PREP: variants seen among roughly 807,000 people sequenced by gnomAD.
The protein encoded by PREP is dJ355L5.1 (prolyl endopeptidase).
A neutral mutation model predicts 87.6 loss-of-function variants in PREP; 29 were observed. That is an observed-to-expected ratio of 0.33 (90% confidence interval 0.25 to 0.45). The LOEUF (loss-of-function observed/expected upper bound fraction) is 0.45, where lower values mean the gene tolerates loss of function less well. Ranked by LOEUF, PREP falls within the 20% of genes least tolerant of loss-of-function variation. PREP has a pLI of 1.00. For missense variants in PREP, 695 were observed against 886.5 expected (o/e 0.78, Z 2.74); for synonymous variants, 337 against 328.6 (o/e 1.03, Z -0.28).
intron 2 of PREP, among the ~76,000 whole-genome samples, chr6:105,384,121 G>A (rs1472392352): frequency 1.3e-5 from 2 of 152,142 alleles, no homozygotes; most frequent in African/African-American, 2.4e-5. Context: ...ACTGATAGTT[G>A]GGGAAAGGGT....
At chr6:105,400,432 C>T (rs902757034) in intron 1 of PREP, among the ~76,000 whole-genome samples, 4 of 152,138 alleles carry the variant, frequency 2.6e-5, no homozygotes, top group East Asian at 1.9e-4. Flanking sequence ...TGGTCAGAAT[C>T]GCCTTCTTGC....
intron 6 of PREP, among the ~76,000 whole-genome samples, chr6:105,357,330 T>C (rs1772125551): frequency 6.6e-6 from 1 of 152,208 alleles, no homozygotes; most frequent in African/African-American, 2.4e-5. Context: ...TAACATTCAC[T>C]GCAAGAACCA....
chr6:105,299,901 T>C (rs562048690), intron 10 of PREP, among the ~76,000 whole-genome samples: 119 of 100,564 alleles, frequency 1.2e-3, no homozygotes, highest in African/African-American at 7.1e-3. Context: ...GCTTCTCTGC[T>C]TTTTTTTTTT....
At chr6:105,314,743 T>C (rs867978104) in intron 10 of PREP, among the ~76,000 whole-genome samples, 23 of 152,300 alleles carry the variant, frequency 1.5e-4, no homozygotes, top group Admixed American at 2.6e-4. Flanking sequence ...TCCAAACTCA[T>C]GTTAATGTTG....
At chr6:105,356,115 T>C (rs1167991699) in intron 6 of PREP, among the ~76,000 whole-genome samples, 1 of 152,194 alleles carries the variant, frequency 6.6e-6, no homozygotes, top group Non-Finnish European at 1.5e-5. Flanking sequence ...AACTATTTAT[T>C]TTTTAACTGG....
chr6:105,313,614 G>A (rs1367273409), intron 10 of PREP, among the ~76,000 whole-genome samples: 1 of 152,210 alleles, frequency 6.6e-6, no homozygotes, highest in African/African-American at 2.4e-5. Flanking sequence ...GGCAGAAATA[G>A]GGTGAGAGAC....
In PREP at chr6:105,278,267, C is replaced by A. The variant is rs1226924353; in HGVS notation, c.2010G>T (p.Leu670=). 3 of 1,614,080 alleles carry A rather than the reference C, an allele frequency of 1.9e-6. No individual in the cohort carries two copies. The African/African-American group carries it at 4.0e-5, about 22-fold the overall frequency. Residue 670 remains leucine (L), a synonymous_variant, in exon 15 of 15, where the codon CTG becomes CTT. Coordinates refer to ENST00000652536, the MANE Select transcript of PREP (RefSeq NM_002726.5). The surrounding 1 kb of genome is among the most constrained non-coding windows in gnomAD (Gnocchi z 4.2). ...CCGCCTTGGTGTCCACGTGGATAAG[C>A]AGGGGGTTGCTTTGCTTCCTGCTGC... ...VGRSRKQSNP[L]LIHVDTKAGH...
chr6:105,279,401 A>G (rs1300220320), intron 14 of PREP, among the ~76,000 whole-genome samples: 2 of 152,176 alleles, frequency 1.3e-5, no homozygotes, highest in African/African-American at 4.8e-5. Context: ...GACCAGCCCC[A>G]TTCTTCCAAA....
At chr6:105,297,989 C>T (rs986509031) in intron 10 of PREP, among the ~76,000 whole-genome samples, 1 of 152,236 alleles carries the variant, frequency 6.6e-6, no homozygotes, top group Non-Finnish European at 1.5e-5. Context: ...CCAAACATTA[C>T]GACAGTGATT....
intron 6 of PREP, among the ~76,000 whole-genome samples, chr6:105,364,373 A>C (rs1449805976): frequency 1.3e-5 from 2 of 152,232 alleles, no homozygotes; most frequent in Non-Finnish European, 2.9e-5. Context: ...GATCAAGGCA[A>C]GACAGACCTG....
At position 105,275,057 on chromosome 6, in the gene PREP, G is replaced by T. The variant is rs1171937146; in HGVS notation, c.*3087C>A. ...CCCTGAGATATGGAGGATGAGAATG[G>T]CTCAATGTTCCTCCTTCAAGGGCCT... On this transcript the variant is annotated 3_prime_UTR_variant, in exon 15 of 15. Coordinates refer to ENST00000652536, the MANE Select transcript of PREP (RefSeq NM_002726.5). Among the ~76,000 whole-genome samples, 1 of 152,154 alleles carries T rather than the reference G, an allele frequency of 6.6e-6. No individual in the cohort carries two copies. The highest frequency in any genetic ancestry group is 2.4e-5 in the African/African-American group (1 of 41,430).
intron 6 of PREP, among the ~76,000 whole-genome samples, chr6:105,364,463 A>C (rs1486262524): frequency 6.6e-6 from 1 of 152,168 alleles, no homozygotes; most frequent in Non-Finnish European, 1.5e-5. Context: ...TATAAAGAGA[A>C]GTTCTCAGTG....
intron 10 of PREP, among the ~76,000 whole-genome samples, chr6:105,310,147 A>G (rs1164240985): frequency 1.3e-5 from 2 of 152,258 alleles, no homozygotes; most frequent in African/African-American, 4.8e-5. Context: ...GAGTGGGAAG[A>G]TGTAAACCAC....
chr6:105,339,836 G>GA, intron 7 of PREP, among the ~76,000 whole-genome samples: 1 of 152,190 alleles, frequency 6.6e-6, no homozygotes, highest in South Asian at 2.1e-4. Flanking sequence ...AAAGTTCAGA[G>GA]AAAAAACAGT....
chr6:105,281,497 T>G, intron 14 of PREP: 1 of 391,604 alleles, frequency 2.6e-6, no homozygotes. Context: ...AGTGTTTGAA[T>G]AACCAGGGTA....
chr6:105,306,250 T>TA (rs1770655277), intron 10 of PREP, among the ~76,000 whole-genome samples: 1 of 152,196 alleles, frequency 6.6e-6, no homozygotes, highest in Non-Finnish European at 1.5e-5. Context: ...TATACTTTAC[T>TA]GATGATAGAC....
intron 9 of PREP, among the ~76,000 whole-genome samples, chr6:105,326,228 AT>A (rs1351006046): frequency 6.6e-6 from 1 of 152,174 alleles, no homozygotes; most frequent in Non-Finnish European, 1.5e-5. Context: ...AGCCATGCAT[AT>A]GGGACTGCTC....
rs531746087 is a variant in PREP at position 105,316,726 on chromosome 6, A to C, written c.1317+6939T>G. The stretch of plus-strand genomic sequence containing the variant: ...AAGTGAACATTAACATTCATTATAA[A>C]ATATTTAGTATTTAAAACTATTTAT... On this transcript the variant is annotated intron_variant, in intron 10 of 14. Transcript: ENST00000652536. Among the ~76,000 whole-genome samples, 518 of 152,352 alleles carry C rather than the reference A, an allele frequency of 3.4e-3. 2 individuals are homozygous for C. Among genetic ancestry groups the C allele is most frequent in the Non-Finnish European group, 6.1e-3 (418 of 68,034 alleles).
intron 10 of PREP, among the ~76,000 whole-genome samples, chr6:105,309,673 A>G (rs1032697904): frequency 2.0e-5 from 3 of 152,108 alleles, no homozygotes; most frequent in Non-Finnish European, 4.4e-5. Flanking sequence ...ACAGAAGGAG[A>G]GCAAGGAGCT....
Sources: allele counts gnomAD v4.1 joint callset (sites outside exome capture counted in the v4.1 genomes callset), GRCh38; gene constraint gnomAD v4.1.1; non-coding constraint Gnocchi (gnomAD v3.1); transcripts MANE v1.5; gene names NCBI Gene and HGNC (gene_info 2026-07-23, HGNC 2026-07-21).